OPA1: variants seen among roughly 807,000 people sequenced by gnomAD.
OPA1 encodes OPA1 mitochondrial dynamin like GTPase.
A neutral mutation model predicts 152.9 loss-of-function variants in OPA1; 59 were observed. The ratio of observed to expected loss-of-function variants is 0.39; its 90% confidence interval spans 0.31 to 0.48. The LOEUF is 0.48. OPA1 is among the 20% of genes least tolerant of loss of function. The pLI is 0.96. For missense variants in OPA1, 1,008 were observed against 1,216.8 expected, an observed-to-expected ratio of 0.83 and a Z score of 2.55; for synonymous variants, 400 against 389.9, an observed-to-expected ratio of 1.03 and a Z score of -0.31.
rs758922394 is a variant in OPA1, at chr3:193,637,263, G to T, written c.1017G>T (p.Thr339=). ...CTGATTATGATGCCAGTTATAATAC[G>T]CAAGATCATCTGCCACGGGTATGTG... ...VLSDYDASYN[T]QDHLPRVVVV... The change falls in exon 10 of 31, where the codon ACG becomes ACT. Residue 339 remains threonine, a synonymous_variant. Coordinates refer to ENST00000361510, the MANE Select transcript of OPA1 (RefSeq NM_130837.3). 2.5e-6 allele frequency: 4 copies of T among 1,604,702 alleles called. No homozygotes were observed. Among genetic ancestry groups the T allele is most frequent in the Non-Finnish European group, 3.4e-6 (4 of 1,173,264 alleles).
At chr3:193,665,792 A>G (rs1159490273) in intron 27 of OPA1, among the ~76,000 whole-genome samples, 1 of 152,170 alleles carries the variant, frequency 6.6e-6, no homozygotes, top group African/African-American at 2.4e-5. Context: ...ACTTCTTTCT[A>G]TAGAAACTTC....
chr3:193,620,010 AC>A (rs1437568427), intron 6 of OPA1, among the ~76,000 whole-genome samples: 1 of 151,762 alleles, frequency 6.6e-6, no homozygotes, highest in Non-Finnish European at 1.5e-5. Flanking sequence ...ATCTTTTTTG[AC>A]CCTCTTTTGC....
In OPA1 at chr3:193,697,518, T is replaced by G. The variant is rs1722353394; in HGVS notation, c.*2918T>G. 6.6e-6 allele frequency: 1 copy of G among 152,044 alleles called. No individual in the cohort carries two copies. Among genetic ancestry groups the G allele is most frequent in the African/African-American group, 2.4e-5 (1 of 41,396 alleles). The allele number at this position is 152,044 out of a possible 1,614,324, so 9.4% of individuals were successfully genotyped here. On this transcript the variant is annotated 3_prime_UTR_variant, in exon 31 of 31. Coordinates refer to ENST00000361510, the MANE Select transcript of OPA1 (RefSeq NM_130837.3). ...GTGTAGATGAGTAATTAAAAAATAT[T>G]TAAATCACATTATAATTCTATTATT...
intron 11 of OPA1, among the ~76,000 whole-genome samples, chr3:193,642,332 G>A (rs1733907664): frequency 6.6e-6 from 1 of 152,168 alleles, no homozygotes; most frequent in Non-Finnish European, 1.5e-5. Flanking sequence ...TACAACACCT[G>A]ACACATAGTT....
intron 1 of OPA1, among the ~76,000 whole-genome samples, chr3:193,596,493 G>A (rs1383652301): frequency 6.6e-6 from 1 of 150,546 alleles, no homozygotes; most frequent in African/African-American, 2.5e-5. Flanking sequence ...TCTCACCTTG[G>A]CCTCCCAAAA....
Position 193,686,223 on chromosome 3 carries a change from A to G in OPA1, c.2984-5840A>G, listed in dbSNP as rs116260262. Reference sequence around the variant, plus strand: ...GGAGAGGGGATGGGTTTCTTGTCCAAATGAAGTTTTCCATTTGAGTTTTTG... The same window carrying G: ...GGAGAGGGGATGGGTTTCTTGTCCAGATGAAGTTTTCCATTTGAGTTTTTG... On this transcript the variant is annotated intron_variant, in intron 29 of 30. Transcript: ENST00000361510. Among the ~76,000 whole-genome samples, 683 of 152,284 alleles carry G rather than the reference A, an allele frequency of 4.5e-3. 6 individuals are homozygous for G. The highest frequency in any genetic ancestry group is 0.016 in the African/African-American group (656 of 41,562).
chr3:193,609,997 T>C (rs913563727), intron 1 of OPA1, among the ~76,000 whole-genome samples: 3 of 152,202 alleles, frequency 2.0e-5, no homozygotes, highest in African/African-American at 7.2e-5. Flanking sequence ...CTCCTTTAGC[T>C]TGGATAGTTT....
intron 7 of OPA1, among the ~76,000 whole-genome samples, 164 bp downstream of exon 7, chr3:193,626,366 T>A (rs748834697): frequency 2.6e-5 from 4 of 152,048 alleles, no homozygotes; most frequent in African/African-American, 4.8e-5. Flanking sequence ...TTTTCTGGAG[T>A]GGGTAGTATA....
At chr3:193,654,789 A>G in intron 21 of OPA1, 73 bp from the exon 22 acceptor site, 1 of 1,447,872 alleles carries the variant, frequency 6.9e-7, no homozygotes, top group South Asian at 1.2e-5. Context: ...TAAGTTAATG[A>G]TACTTCAGTC....
In OPA1 at chr3:193,654,350, G is replaced by A. The variant is rs538119841; in HGVS notation, c.2013-512G>A. On this transcript the variant is annotated intron_variant, in intron 21 of 30. Transcript: ENST00000361510. ...ATCTCTACAAAATTTTAAAAAATTA[G>A]CCAGGCATAATGGCGTCCACCTGTA... Among the ~76,000 whole-genome samples the A allele has an allele frequency of 2.0e-5, 3 of 152,124 alleles. No individual in the cohort carries two copies. In the East Asian group the frequency reaches 5.8e-4, roughly 29 times the overall value.
At chr3:193,631,752 C>T in intron 8 of OPA1, 87 bp downstream of exon 8, 1 of 1,156,004 alleles carries the variant, frequency 8.7e-7, no homozygotes, top group Non-Finnish European at 1.3e-6. Flanking sequence ...ATTTTTTCAA[C>T]AGAGCAAAAT....
At chr3:193,643,131 A>G (rs1734028894) in intron 13 of OPA1, 82 bp downstream of exon 13, 2 of 1,156,648 alleles carry the variant, frequency 1.7e-6, no homozygotes, top group Non-Finnish European at 2.6e-6. Flanking sequence ...CTAGGTATTG[A>G]TGTTTAGATT....
chr3:193,668,750 C>T (rs569097946), intron 29 of OPA1: 3 of 1,253,964 alleles, frequency 2.4e-6, no homozygotes, highest in Non-Finnish European at 3.1e-6. Flanking sequence ...TTCCCACCCC[C>T]CTAGCTTGGC....
chr3:193,668,617 C>G (rs1266395363), intron 29 of OPA1: 2 of 1,533,466 alleles, frequency 1.3e-6, no homozygotes, highest in African/African-American at 1.4e-5. Context: ...CCAGCCTGCA[C>G]CAGGCCACCC....
intron 3 of OPA1, 130 bp from the exon 4 acceptor site, chr3:193,617,048 G>A (rs1729132482): frequency 6.3e-6 from 4 of 633,374 alleles, no homozygotes; most frequent in Non-Finnish European, 1.1e-5. Flanking sequence ...TCTGTAAATG[G>A]TGTTGATAAT....
At chr3:193,685,116 A>G (rs1222798885) in intron 29 of OPA1, among the ~76,000 whole-genome samples, 2 of 152,044 alleles carry the variant, frequency 1.3e-5, no homozygotes, top group East Asian at 1.9e-4. Context: ...CCTAGCCAAT[A>G]TGGTGAAACC....
At chr3:193,600,573 G>A (rs1726306689) in intron 1 of OPA1, among the ~76,000 whole-genome samples, 1 of 152,150 alleles carries the variant, frequency 6.6e-6, no homozygotes, top group Non-Finnish European at 1.5e-5. Flanking sequence ...GCCAAGTTAA[G>A]GTTCAGACAA....
At chr3:193,680,109 T>C (rs1719890909) in intron 29 of OPA1, among the ~76,000 whole-genome samples, 2 of 152,230 alleles carry the variant, frequency 1.3e-5, no homozygotes, top group African/African-American at 2.4e-5. Context: ...ATTTTTGCTT[T>C]CATCTCACCT....
intron 29 of OPA1, among the ~76,000 whole-genome samples, chr3:193,685,148 A>G (rs1040798549): frequency 6.6e-6 from 1 of 151,976 alleles, no homozygotes; most frequent in African/African-American, 2.4e-5. Flanking sequence ...AAAAATACAA[A>G]AAAATTGGCC....
Sources: gnomAD v4.1 joint callset for allele counts (sites outside exome capture counted in the v4.1 genomes callset) on GRCh38, gnomAD v4.1.1 for gene constraint, MANE v1.5 for transcripts, NCBI Gene and HGNC (gene_info 2026-07-23, HGNC 2026-07-21) for gene names.